Variants in GSG1L observed in about 807,000 individuals in gnomAD.
GSG1L encodes the protein germ cell-specific gene 1-like protein.
In GSG1L, 24 loss-of-function variants were observed where a neutral mutation model predicts 42.1. The observed-to-expected ratio is 0.57, with a 90% CI of 0.41 to 0.80. The LOEUF is 0.80. GSG1L is among the 30% of genes least tolerant of loss of function. The probability of loss-of-function intolerance (pLI) is 0.00; values close to 1 mark genes in which losing one functional copy is unlikely to be tolerated. For synonymous variants in GSG1L, 215 were observed against 203.5 expected (o/e 1.06, Z -0.48); for missense variants, 445 against 472.2 (o/e 0.94, Z 0.53).
chr16:27,952,791 C>T (rs1317925300), intron 2 of GSG1L, among the ~76,000 whole-genome samples: 1 of 152,226 alleles, frequency 6.6e-6, no homozygotes, highest in Non-Finnish European at 1.5e-5. Flanking sequence ...GTATACAACA[C>T]GCACACAGAA....
chr16:27,811,113 G>T (rs555352921), intron 5 of GSG1L, among the ~76,000 whole-genome samples: 1 of 152,288 alleles, frequency 6.6e-6, no homozygotes, highest in Non-Finnish European at 1.5e-5. Context: ...ACATCTCCAT[G>T]TAATGGGATC....
rs1596745220 is a variant in GSG1L, at chr16:28,063,526, G to A, written c.-102C>T. 1 of 697,624 alleles carries A rather than the reference G, an allele frequency of 1.4e-6. No individual in the cohort carries two copies. The highest frequency in any genetic ancestry group is 1.8e-6 in the Non-Finnish European group (1 of 545,746). The allele number at this position is 697,624 out of a possible 1,614,324, so 43.2% of individuals were successfully genotyped here. Reference sequence around the variant, plus strand: ...AGCGGCCGCTGCCCGCCGCGCCCCGGGGCTCGGGTGCCTGAGATCGGCGGC... The same window carrying A: ...AGCGGCCGCTGCCCGCCGCGCCCCGAGGCTCGGGTGCCTGAGATCGGCGGC... On this transcript the variant is annotated 5_prime_UTR_variant, in exon 1 of 7. Transcript: ENST00000447459. The surrounding 1 kb of genome is among the most constrained non-coding windows in gnomAD (Gnocchi z 5.8).
intron 4 of GSG1L, among the ~76,000 whole-genome samples, chr16:27,836,296 T>C (rs1426598268): frequency 5.9e-5 from 9 of 151,912 alleles, no homozygotes; most frequent in South Asian, 2.1e-4. Flanking sequence ...TTTTTAACTT[T>C]AGTTTTTTTT....
chr16:28,032,222 A>G (rs1478979068), intron 1 of GSG1L, among the ~76,000 whole-genome samples: 2 of 152,178 alleles, frequency 1.3e-5, no homozygotes, highest in Non-Finnish European at 2.9e-5. Flanking sequence ...TAATTTTGGT[A>G]TCCGTCAGAC....
intron 4 of GSG1L, among the ~76,000 whole-genome samples, chr16:27,832,142 T>C (rs1253240164): frequency 6.6e-6 from 1 of 152,222 alleles, no homozygotes; most frequent in Admixed American, 6.5e-5. Flanking sequence ...TTCATTTATT[T>C]ACTCTTGTTT....
intron 2 of GSG1L, among the ~76,000 whole-genome samples, chr16:27,892,745 G>A (rs370271459): frequency 1.4e-5 from 2 of 146,624 alleles, no homozygotes; most frequent in East Asian, 2.0e-4. Context: ...AGCTGAGATC[G>A]CGCCATTGCA....
intron 1 of GSG1L, among the ~76,000 whole-genome samples, chr16:27,963,482 C>T (rs187090354): frequency 1.3e-4 from 20 of 152,242 alleles, no homozygotes; most frequent in African/African-American, 4.1e-4. Flanking sequence ...CCAGAATCCA[C>T]GCTCCTCCTC....
intron 1 of GSG1L, among the ~76,000 whole-genome samples, chr16:28,053,744 T>G (rs1302650015): frequency 6.6e-6 from 1 of 152,154 alleles, no homozygotes; most frequent in Non-Finnish European, 1.5e-5. Context: ...TGTCTGTGCA[T>G]GCATGCGTGT....
intron 1 of GSG1L, among the ~76,000 whole-genome samples, chr16:27,977,589 G>T (rs965560451): frequency 3.3e-4 from 49 of 146,658 alleles, no homozygotes; most frequent in African/African-American, 1.2e-3. Context: ...AAAAAAAAGG[G>T]CAAGGACACA....
chr16:28,031,075 A>T (rs1201114374), intron 1 of GSG1L, among the ~76,000 whole-genome samples: 2 of 140,096 alleles, frequency 1.4e-5, no homozygotes, highest in African/African-American at 5.4e-5. Context: ...ATGGATTGGT[A>T]TGGGCTGAGT....
At position 28,063,219 on chromosome 16, in the gene GSG1L, G is replaced by T; in HGVS notation, c.206C>A (p.Ala69Asp). The change falls in exon 1 of 7, where the codon GCC (alanine) becomes GAC (aspartate). Residue 69 changes from alanine to aspartate, a missense_variant. This residue lies in a region of GSG1L where 156 missense variants were observed against 128.3 expected (regional missense o/e 1.22). Transcript: ENST00000447459. The surrounding 1 kb of genome is among the most constrained non-coding windows in gnomAD (Gnocchi z 5.8). Reference protein sequence around the residue: ...ATANGTAAPAAAAAAATASGN... With the variant: ...ATANGTAAPADAAAAATASGN... The stretch of plus-strand genomic sequence containing the variant: ...CGAGGCGGTGGCGGCGGCGGCGGCG[G>T]CGGCGGGGGCGGCGGTGCCGTTGGC... 8.0e-7 allele frequency: 1 copy of T among 1,251,358 alleles called. No homozygotes were observed. Among genetic ancestry groups the T allele is most frequent in the Non-Finnish European group, 1.0e-6 (1 of 1,003,272 alleles). The allele number at this position is 1,251,358 out of a possible 1,614,324, so 77.5% of individuals were successfully genotyped here. A position where few individuals can be genotyped will look rare whatever the true frequency, so the allele number is the denominator to read the frequency against.
chr16:27,954,259 G>C (rs2084982154), intron 2 of GSG1L, among the ~76,000 whole-genome samples: 1 of 152,160 alleles, frequency 6.6e-6, no homozygotes, highest in South Asian at 2.1e-4. Flanking sequence ...TCAGAACAAA[G>C]AGGATGTGAC....
intron 1 of GSG1L, among the ~76,000 whole-genome samples, chr16:28,034,149 C>T (rs1381904879): frequency 6.6e-6 from 1 of 151,168 alleles, no homozygotes; most frequent in Non-Finnish European, 1.5e-5. Context: ...CAGCCTATCC[C>T]ATCCCATCCC....
chr16:27,813,965 C>A (rs1001091504), intron 5 of GSG1L, among the ~76,000 whole-genome samples: 4 of 152,164 alleles, frequency 2.6e-5, no homozygotes, highest in African/African-American at 9.7e-5. Context: ...CATTTCACAA[C>A]AGTAACGACC....
chr16:27,885,021 T>A (rs2084011021), intron 2 of GSG1L, among the ~76,000 whole-genome samples: 1 of 152,158 alleles, frequency 6.6e-6, no homozygotes, highest in African/African-American at 2.4e-5. Context: ...ATCAGACCAA[T>A]CACCAGCCCT....
At chr16:27,991,659 C>G (rs1014426896) in intron 1 of GSG1L, among the ~76,000 whole-genome samples, 15 of 152,150 alleles carry the variant, frequency 9.9e-5, no homozygotes, top group African/African-American at 3.4e-4. Flanking sequence ...CCCGCCTCAG[C>G]CTCCCAAAGT....
At position 27,963,169 on chromosome 16, in the gene GSG1L, C is replaced by CG. The variant is rs1567536844; in HGVS notation, c.383dup (p.Ala129GlyfsTer79). ...GGTCACACTCACCTTTCTCCGATGC[C>CG]GGGGCCAGGTCAATGAAGCTGCGAC... On this transcript the variant is annotated frameshift_variant, in exon 2 of 7. Transcript: ENST00000447459. LOFTEE classifies it high-confidence loss of function. 1 of 1,613,586 alleles carries CG rather than the reference C, an allele frequency of 6.2e-7. No individual in the cohort carries two copies. Among genetic ancestry groups the CG allele is most frequent in the Non-Finnish European group, 8.5e-7 (1 of 1,179,560 alleles).
chr16:27,888,083 C>T, intron 2 of GSG1L: 3 of 985,218 alleles, frequency 3.0e-6, no homozygotes, highest in Non-Finnish European at 1.2e-6. Context: ...ATGCTCCTAT[C>T]GCTGGGTTTC....
At chr16:27,960,425 G>A (rs1331726946) in intron 2 of GSG1L, among the ~76,000 whole-genome samples, 4 of 152,092 alleles carry the variant, frequency 2.6e-5, no homozygotes, top group Admixed American at 1.3e-4. Flanking sequence ...TGCCAGTGTC[G>A]CGATTATCGT....
Sources: allele counts gnomAD v4.1 joint callset (sites outside exome capture counted in the v4.1 genomes callset), GRCh38; gene constraint gnomAD v4.1.1; regional missense constraint gnomAD v4.1.1; non-coding constraint Gnocchi (gnomAD v3.1); transcripts MANE v1.5; gene names NCBI Gene and HGNC (gene_info 2026-07-23, HGNC 2026-07-21).